The following THOC7 variants were observed in gnomAD, a reference collection of about 807,000 sequenced individuals.
The protein encoded by THOC7 is THO complex subunit 7.
THOC7 carries 22 observed loss-of-function variants against 33.1 expected under a neutral mutation model. The observed-to-expected ratio is 0.66, with a 90% CI of 0.47 to 0.95. The LOEUF (loss-of-function observed/expected upper bound fraction) is 0.95. Among genes scored for constraint, THOC7 ranks in the 40% least tolerant of loss-of-function variants. The pLI is 0.00. For synonymous variants in THOC7, 77 were observed against 76.8 expected (o/e 1.00, Z -0.01); for missense variants, 184 against 245.3 (o/e 0.75, Z 1.67).
chr3:63,846,728 C>A (rs1701905573), intron 1 of THOC7, among the ~76,000 whole-genome samples: 1 of 151,982 alleles, frequency 6.6e-6, no homozygotes, highest in African/African-American at 2.4e-5. Context: ...TAATTTATAA[C>A]CCCAGTATAC....
intron 1 of THOC7, among the ~76,000 whole-genome samples, chr3:63,845,572 C>A (rs1454342235): frequency 6.6e-6 from 1 of 152,176 alleles, no homozygotes; most frequent in African/African-American, 2.4e-5. Context: ...TGGAGGGGGA[C>A]ATGAACTCTG....
intron 1 of THOC7, 60 bp downstream of exon 1, chr3:63,863,712 T>C: frequency 8.0e-7 from 1 of 1,247,296 alleles, no homozygotes; most frequent in Non-Finnish European, 1.0e-6. Context: ...AGGCCAGGGG[T>C]CTCAGGGGAG....
intron 1 of THOC7, among the ~76,000 whole-genome samples, chr3:63,849,245 G>A (rs972441748): frequency 6.6e-6 from 1 of 152,130 alleles, no homozygotes. Context: ...TAAATTGGCC[G>A]AGTGTGGTGG....
At chr3:63,852,863 G>A (rs1702043546) in intron 1 of THOC7, among the ~76,000 whole-genome samples, 1 of 152,110 alleles carries the variant, frequency 6.6e-6, no homozygotes, top group Non-Finnish European at 1.5e-5. Flanking sequence ...TAGAATCACA[G>A]GTCCTGGCTG....
At chr3:63,861,943 C>G (rs1242956105) in intron 1 of THOC7, 1 of 152,090 alleles carries the variant, frequency 6.6e-6, no homozygotes, top group East Asian at 1.9e-4. Flanking sequence ...AGGTGTGTGC[C>G]ACTGTGCCAG....
intron 4 of THOC7, 94 bp downstream of exon 4, chr3:63,837,882 C>A (rs745570095): frequency 1.0e-4 from 109 of 1,088,238 alleles, no homozygotes; most frequent in Non-Finnish European, 1.4e-4. Context: ...CAGGTTGATT[C>A]AGGCTGCAGA....
chr3:63,846,388 T>C (rs1701895731), intron 1 of THOC7, among the ~76,000 whole-genome samples: 1 of 152,128 alleles, frequency 6.6e-6, no homozygotes, highest in Non-Finnish European at 1.5e-5. Flanking sequence ...TTCAGGGTCT[T>C]ACTAGTAACT....
Position 63,839,803 on chromosome 3 carries a change from T to G in THOC7, c.20-30A>C, listed in dbSNP as rs139991001. On this transcript the variant is annotated intron_variant, in intron 1 of 7. Transcript: ENST00000295899. ...AGGAAAGAAGGGCAATGTTACCATC[T>G]GGCTCTTGGTAACTTTCAAGTACAA... 1.9e-6 allele frequency: 3 copies of G among 1,575,868 alleles called. No individual in the cohort carries two copies. In the South Asian group the frequency reaches 3.3e-5, roughly 17 times the overall value.
chr3:63,836,272 T>C (rs756294946), intron 5 of THOC7, 29 bp downstream of exon 5: 13 of 1,605,304 alleles, frequency 8.1e-6, no homozygotes, highest in Non-Finnish European at 1.1e-5. Flanking sequence ...TAAAGGTTAG[T>C]TCCTTTCAAA....
intron 1 of THOC7, among the ~76,000 whole-genome samples, chr3:63,851,631 A>G (rs570520901): frequency 6.6e-6 from 1 of 152,196 alleles, no homozygotes; most frequent in Non-Finnish European, 1.5e-5. Context: ...TTCTCTACAA[A>G]AAAGGTAGGC....
chr3:63,855,521 G>A (rs1394915207), intron 1 of THOC7, among the ~76,000 whole-genome samples: 1 of 152,136 alleles, frequency 6.6e-6, no homozygotes, highest in Non-Finnish European at 1.5e-5. Flanking sequence ...CTAGGCCTCT[G>A]GTCAGATGAC....
intron 1 of THOC7, among the ~76,000 whole-genome samples, chr3:63,862,172 C>T (rs772745873): frequency 6.6e-6 from 1 of 152,230 alleles, no homozygotes; most frequent in East Asian, 1.9e-4. Flanking sequence ...CCTTAGAGAT[C>T]TCTGGCTCAT....
intron 1 of THOC7, chr3:63,861,738 T>C (rs551238270): frequency 6.6e-6 from 1 of 152,190 alleles, no homozygotes; most frequent in South Asian, 2.1e-4. Context: ...GCTCCTCATT[T>C]TCTCTTCCTC....
intron 2 of THOC7, 45 bp from the exon 3 acceptor site, chr3:63,838,544 G>A (rs777451987): frequency 1.9e-6 from 3 of 1,551,402 alleles, no homozygotes; most frequent in South Asian, 1.2e-5. Flanking sequence ...TTTGTGGACT[G>A]ACAAAAGTGA....
chr3:63,849,341 C>A (rs1701973656), intron 1 of THOC7, among the ~76,000 whole-genome samples: 1 of 152,158 alleles, frequency 6.6e-6, no homozygotes, highest in African/African-American at 2.4e-5. Context: ...CGGGCCAAGA[C>A]TGCGTCACTG....
At chr3:63,849,563 T>G (rs1701980297) in intron 1 of THOC7, among the ~76,000 whole-genome samples, 1 of 152,110 alleles carries the variant, frequency 6.6e-6, no homozygotes, top group Non-Finnish European at 1.5e-5. Flanking sequence ...TAATCTGAGA[T>G]TCCTTGTCAA....
At chr3:63,854,466 C>G (rs1702075543) in intron 1 of THOC7, 2 of 152,124 alleles carry the variant, frequency 1.3e-5, no homozygotes. Context: ...TTTGGTCTAT[C>G]CTGTAAAAAC....
intron 1 of THOC7, chr3:63,863,410 G>A: frequency 2.8e-6 from 3 of 1,065,868 alleles, no homozygotes; most frequent in Non-Finnish European, 3.4e-6. Flanking sequence ...AGACAAACCC[G>A]GACTCCCTCT....
At chr3:63,839,883 A>C in intron 1 of THOC7, 110 bp from the exon 2 acceptor site, 2 of 816,122 alleles carry the variant, frequency 2.5e-6, no homozygotes, top group East Asian at 2.6e-5. Flanking sequence ...TGAAATGTAA[A>C]TGCATTTAAT....
Sources: allele counts gnomAD v4.1 joint callset (sites outside exome capture counted in the v4.1 genomes callset), GRCh38; gene constraint gnomAD v4.1.1; transcripts MANE v1.5; gene names NCBI Gene and HGNC (gene_info 2026-07-23, HGNC 2026-07-21).